KANSL3: variants seen among roughly 807,000 people sequenced by gnomAD.
KANSL3 encodes KAT8 regulatory NSL complex subunit 3.
KANSL3 carries 16 observed loss-of-function variants against 89.2 expected under a neutral mutation model. The ratio of observed to expected loss-of-function variants is 0.18; its 90% CI spans 0.12 to 0.27. The LOEUF (loss-of-function observed/expected upper bound fraction) is 0.27. KANSL3 is among the 10% of genes least tolerant of loss of function. The pLI is 1.00. For synonymous variants in KANSL3, 385 were observed against 419.7 expected, an observed-to-expected ratio of 0.92 and a Z score of 1.01; for missense variants, 879 against 1,110.6, an observed-to-expected ratio of 0.79 and a Z score of 2.96.
intron 3 of KANSL3, among the ~76,000 whole-genome samples, chr2:96,622,725 C>A (rs1246144956): frequency 1.3e-5 from 2 of 152,214 alleles, no homozygotes; most frequent in Non-Finnish European, 2.9e-5. Context: ...ATCTTATCAT[C>A]CATGACTGAT....
Position 96,631,493 on chromosome 2 carries a change from G to A in KANSL3, c.216-11C>T, listed in dbSNP as rs776735163. ...GGGACGTCTGATTCACTGTAAACAGGTGAGGAAATAGGACCGGGCCACACA... is the reference window on the plus strand; with the variant it reads ...GGGACGTCTGATTCACTGTAAACAGATGAGGAAATAGGACCGGGCCACACA... On this transcript the variant is annotated splice_polypyrimidine_tract_variant and intron_variant, in intron 2 of 20. Transcript: ENST00000431828. 3.9e-6 allele frequency: 6 copies of A among 1,557,834 alleles called. No individual in the cohort carries two copies. In the African/African-American group the frequency reaches 6.8e-5, roughly 18 times the overall value.
Position 96,601,235 on chromosome 2 carries a change from T to A in KANSL3, c.2616+408A>T, listed in dbSNP as rs1008018273. The A allele has an allele frequency of 3.5e-6, 3 of 857,252 alleles. No individual in the cohort carries two copies. In the African/African-American group the frequency reaches 5.5e-5, roughly 16 times the overall value. 53.1% of individuals were successfully genotyped at this position (857,252 alleles called of 1,614,324 possible). The stretch of plus-strand genomic sequence containing the variant: ...GGGAGCCGAGATCACACCCCTGCAC[T>A]CCAGCTTGGGCGATAGAGCAAGACT... On this transcript the variant is annotated intron_variant, in intron 20 of 20. Coordinates refer to ENST00000431828, the MANE Select transcript of KANSL3 (RefSeq NM_001115016.3).
rs945162638 is a variant in KANSL3 at position 96,595,441 on chromosome 2, A to G, written c.*170T>C. The G allele has an allele frequency of 1.7e-6, 1 of 605,912 alleles. No homozygotes were observed. The highest frequency in any genetic ancestry group is 1.9e-5 in the African/African-American group (1 of 53,618). 37.5% of individuals were successfully genotyped at this position (605,912 alleles called of 1,614,324 possible). On this transcript the variant is annotated 3_prime_UTR_variant, in exon 21 of 21. Coordinates refer to ENST00000431828, the MANE Select transcript of KANSL3 (RefSeq NM_001115016.3). ...ATGGTGCTTCCCTTGCTGGCACCGT[A>G]TCACCTAACCTAATGGTTTCTCTGA...
chr2:96,619,607 AGTC>A, intron 4 of KANSL3, 62 bp downstream of exon 4: 1 of 1,605,674 alleles, frequency 6.2e-7, no homozygotes, highest in Non-Finnish European at 8.5e-7. Context: ...CAGGGGGACA[AGTC>A]AGTCAGCCAG....
intron 3 of KANSL3, among the ~76,000 whole-genome samples, chr2:96,620,576 T>C (rs2071073373): frequency 6.6e-6 from 1 of 152,108 alleles, no homozygotes. Context: ...TTGTCCCCCT[T>C]CACCCCACTC....
intron 9 of KANSL3, 95 bp downstream of exon 9, chr2:96,612,187 C>G: frequency 1.2e-6 from 1 of 858,200 alleles, no homozygotes; most frequent in Non-Finnish European, 2.0e-6. Flanking sequence ...AAGTATCTAG[C>G]GCAGAGCCTG....
intron 3 of KANSL3, among the ~76,000 whole-genome samples, chr2:96,620,703 T>TA (rs1166370154): frequency 2.6e-5 from 4 of 151,918 alleles, no homozygotes; most frequent in East Asian, 1.9e-4. Flanking sequence ...CTCCCTGCCT[T>TA]AAAAAAAAGC....
intron 3 of KANSL3, among the ~76,000 whole-genome samples, chr2:96,622,972 G>A (rs2071585597): frequency 6.6e-6 from 1 of 152,250 alleles, no homozygotes; most frequent in Non-Finnish European, 1.5e-5. Flanking sequence ...CTTACCCTAG[G>A]ATTCACTAAA....
chr2:96,632,186 T>C (rs2073506151), intron 2 of KANSL3, among the ~76,000 whole-genome samples: 1 of 151,982 alleles, frequency 6.6e-6, no homozygotes, highest in African/African-American at 2.4e-5. Flanking sequence ...AAATGACAAA[T>C]ATAGCCAGGC....
intron 17 of KANSL3, 52 bp from the exon 18 acceptor site, chr2:96,602,914 C>T: frequency 2.6e-6 from 4 of 1,531,830 alleles, no homozygotes; most frequent in African/African-American, 2.7e-5. Flanking sequence ...TTGCACTATC[C>T]CGAGAGCAGC....
chr2:96,612,885 G>A lies in KANSL3; in HGVS notation c.845C>T (p.Ser282Phe), dbSNP rs768409947. The A allele has an allele frequency of 2.5e-6, 4 of 1,571,392 alleles. No individual in the cohort carries two copies. The highest frequency in any genetic ancestry group is 1.7e-6 in the Non-Finnish European group (2 of 1,158,450). Residue 282 changes from serine (S) to phenylalanine (F), a missense_variant, in exon 7 of 21, where the codon TCC (serine) becomes TTC (phenylalanine). Ser to Phe is a radical substitution (Grantham distance 155, BLOSUM62 -2). Coordinates refer to ENST00000431828, the MANE Select transcript of KANSL3 (RefSeq NM_001115016.3). ...GCGTGAAGTGGGAAACACAGAGCTGGAGGGACCAGAGGAGGCGATGAGAAT... is the reference window on the plus strand; with the variant it reads ...GCGTGAAGTGGGAAACACAGAGCTGAAGGGACCAGAGGAGGCGATGAGAAT... ...PLILIASSGPSSSVFPTSRRH... is the reference protein window; with the variant it reads ...PLILIASSGPFSSVFPTSRRH...
In KANSL3 at chr2:96,612,453, C is replaced by A. The variant is rs762992519; in HGVS notation, c.1014+9G>T. ...ATGCCACAATGTACTGAAATACGGG[C>A]ATTCTCACCTCCAGCACTTTGCTTC... On this transcript the variant is annotated intron_variant, in intron 8 of 20. Coordinates refer to ENST00000431828, the MANE Select transcript of KANSL3 (RefSeq NM_001115016.3). The A allele has an allele frequency of 6.2e-7, 1 of 1,611,620 alleles. No individual in the cohort carries two copies. Among genetic ancestry groups the A allele is most frequent in the East Asian group, 2.2e-5 (1 of 44,862 alleles).
At chr2:96,602,391 T>G in intron 18 of KANSL3, 53 bp from the exon 19 acceptor site, 4 of 1,393,976 alleles carry the variant, frequency 2.9e-6, no homozygotes, top group Non-Finnish European at 4.0e-6. Context: ...ACAGCAACAT[T>G]CGAGCTTGGA....
At chr2:96,605,677 A>G in intron 14 of KANSL3, 166 bp from the exon 15 acceptor site, 4 of 550,242 alleles carry the variant, frequency 7.3e-6, no homozygotes, top group Non-Finnish European at 9.7e-6. Context: ...CTTCAGGACC[A>G]CTTCACTCAG....
intron 13 of KANSL3, 37 bp downstream of exon 13, chr2:96,608,827 T>C (rs1316486213): frequency 1.3e-6 from 2 of 1,524,590 alleles, no homozygotes; most frequent in South Asian, 2.5e-5. Flanking sequence ...GTGGTGCTGA[T>C]TCCCCAGCAA....
At chr2:96,586,069 A>G in the KANSL3 span, among the ~76,000 whole-genome samples, 5 of 152,064 alleles carry the variant, frequency 3.3e-5, no homozygotes, top group Admixed American at 1.3e-4. Context: ...TACCAAGAAT[A>G]TAAAAATTAG....
At chr2:96,625,945 C>A (rs534650603) in intron 3 of KANSL3, among the ~76,000 whole-genome samples, 8 of 152,254 alleles carry the variant, frequency 5.3e-5, no homozygotes, top group African/African-American at 1.9e-4. Flanking sequence ...CTGTGGTGAG[C>A]CAACTGGCAC....
chr2:96,636,668 C>T (rs1351043224), intron 2 of KANSL3: 4 of 403,612 alleles, frequency 9.9e-6, no homozygotes, highest in East Asian at 3.8e-5. Context: ...CCTTTCCACA[C>T]GTCCTACTAT....
Position 96,597,612 on chromosome 2 carries a change from T to A in KANSL3, c.2617-1981A>T, listed in dbSNP as rs539001400. ...TCCACTTTATTTTATTTATTTATTT[T>A]ATTTTTTTGAGACAGAGTCTGGCTC... On this transcript the variant is annotated intron_variant, in intron 20 of 20. Transcript: ENST00000431828. 3.9e-4 allele frequency among the ~76,000 whole-genome samples: 59 copies of A among 152,232 alleles called. No individual in the cohort carries two copies. The Middle Eastern group carries it at 0.01, about 26-fold the overall frequency.
Sources: gnomAD v4.1 joint callset for allele counts (sites outside exome capture counted in the v4.1 genomes callset) on GRCh38, gnomAD v4.1.1 for gene constraint, MANE v1.5 for transcripts, NCBI Gene and HGNC (gene_info 2026-07-23, HGNC 2026-07-21) for gene names.